Variants in ZBTB1 observed in about 807,000 individuals in gnomAD.
ZBTB1 encodes the protein zinc finger and BTB domain-containing protein 1.
In ZBTB1, 13 loss-of-function variants were observed where a neutral mutation model predicts 51.6. That is an observed-to-expected ratio of 0.25 (90% CI 0.16 to 0.40). The LOEUF is 0.40. ZBTB1 is among the 10% of genes least tolerant of loss of function. ZBTB1 has a pLI of 1.00. For missense variants in ZBTB1, 567 were observed against 856.5 expected (o/e 0.66, Z 4.22); for synonymous variants, 240 against 282.2 (o/e 0.85, Z 1.50).
At chr14:64,507,732 G>A (rs2079681934) in intron 1 of ZBTB1, among the ~76,000 whole-genome samples, 1 of 152,212 alleles carries the variant, frequency 6.6e-6, no homozygotes, top group African/African-American at 2.4e-5. Flanking sequence ...CTGTATCATG[G>A]TGGGCTATTT....
upstream of ZBTB1, among the ~76,000 whole-genome samples, chr14:64,504,321 A>G (rs1296083039): frequency 6.6e-6 from 1 of 151,734 alleles, no homozygotes; most frequent in Non-Finnish European, 1.5e-5. Flanking sequence ...TTGCCGGAGC[A>G]CTCGAGGCGG....
intron 1 of ZBTB1, among the ~76,000 whole-genome samples, chr14:64,521,015 C>T (rs1244541663): frequency 6.6e-6 from 1 of 152,084 alleles, no homozygotes; most frequent in Non-Finnish European, 1.5e-5. Flanking sequence ...GTGATGCCAC[C>T]ACACCTGGTT....
chr14:64,520,630 G>T (rs1295065454), intron 1 of ZBTB1, among the ~76,000 whole-genome samples: 1 of 151,984 alleles, frequency 6.6e-6, no homozygotes, highest in African/African-American at 2.4e-5. Flanking sequence ...TTATTTTTAA[G>T]CATATCTCAG....
intron 2 of ZBTB1, chr14:64,531,818 G>C: frequency 1.2e-6 from 2 of 1,612,128 alleles, no homozygotes; most frequent in Non-Finnish European, 8.5e-7. Context: ...CAGTCAACTT[G>C]TAATATTATT....
At chr14:64,519,034 C>T (rs1440779717) in intron 1 of ZBTB1, among the ~76,000 whole-genome samples, 1 of 149,716 alleles carries the variant, frequency 6.7e-6, no homozygotes, top group African/African-American at 2.4e-5. Flanking sequence ...ATGTGCATCT[C>T]AACAAATCTG....
intron 1 of ZBTB1, among the ~76,000 whole-genome samples, chr14:64,517,781 A>ATATATATATATATATATATATTTTT (rs1160337478): frequency 2.4e-5 from 1 of 41,560 alleles, no homozygotes; most frequent in African/African-American, 8.9e-5. Flanking sequence ...ATATATATAT[A>ATATATATATATATATATATATTTTT]TTTTTTTTTT....
In ZBTB1 at chr14:64,522,596, ACCTGAAGAG is replaced by A; in HGVS notation, c.1095_1103del (p.Glu366_Pro368del). On this transcript the variant is annotated inframe_deletion, in exon 2 of 2. Transcript: ENST00000683701. ...CTGACAATGATGAATTAGAAGATGA[ACCTGAAGAG>A]CCATTTTATAGATACTATGTTGAAG... is the stretch of plus-strand genomic sequence containing the variant. 6.2e-7 allele frequency: 1 copy of A among 1,613,950 alleles called. No homozygotes were observed. Among genetic ancestry groups the A allele is most frequent in the African/African-American group, 1.3e-5 (1 of 74,978 alleles).
chr14:64,515,614 GA>G (rs1459754632), intron 1 of ZBTB1, among the ~76,000 whole-genome samples: 3 of 150,498 alleles, frequency 2.0e-5, no homozygotes, highest in Non-Finnish European at 4.4e-5. Flanking sequence ...TCCGCCTCCC[GA>G]GTTCCCGCCA....
At chr14:64,518,468 A>T (rs1368293024) in intron 1 of ZBTB1, 1 of 152,134 alleles carries the variant, frequency 6.6e-6, no homozygotes, top group South Asian at 2.1e-4. Flanking sequence ...CTGGCTATGG[A>T]ACTTTATGTC....
chr14:64,508,536 A>C (rs2079690328), intron 1 of ZBTB1, among the ~76,000 whole-genome samples: 2 of 152,204 alleles, frequency 1.3e-5, no homozygotes, highest in Admixed American at 1.3e-4. Context: ...CATATTCAGA[A>C]GAGTGTTGTC....
downstream of ZBTB1, chr14:64,533,693 A>T (rs1338755344): frequency 1.3e-5 from 2 of 152,296 alleles, no homozygotes; most frequent in Non-Finnish European, 2.9e-5. Context: ...CCAAAGTTAA[A>T]TTGTCTGTAT....
At chr14:64,504,592 C>T, upstream of ZBTB1, 1 of 248,490 alleles carries the variant, frequency 4.0e-6, no homozygotes. Flanking sequence ...CTTGTTGCAA[C>T]AAACAGGCGA....
At chr14:64,518,904 G>GTATATATCTATATATATATATATATA (rs1555348528) in intron 1 of ZBTB1, among the ~76,000 whole-genome samples, 1 of 95,128 alleles carries the variant, frequency 1.1e-5, no homozygotes, top group African/African-American at 4.4e-5. Context: ...TTGCAGAGAG[G>GTATATATCTATATATATATATATATA]TATATATATA....
downstream of ZBTB1, among the ~76,000 whole-genome samples, chr14:64,529,360 T>C (rs906756493): frequency 1.3e-5 from 2 of 152,226 alleles, no homozygotes; most frequent in African/African-American, 4.8e-5. Context: ...TTTTATTGGT[T>C]ATAAGACTGT....
Position 64,533,340 on chromosome 14 carries a change from G to A in ZBTB1, c.*1443G>A, listed in dbSNP as rs1000134756. 2.0e-5 allele frequency: 3 copies of A among 152,386 alleles called. No individual in the cohort carries two copies. The East Asian group carries it at 5.8e-4, about 29-fold the overall frequency. The allele number at this position is 152,386 out of a possible 1,614,324, so 9.4% of individuals were successfully genotyped here. On this transcript the variant is annotated 3_prime_UTR_variant, in exon 3 of 3. Transcript: ENST00000358738. ...AGTTAATCTCTTTTGGGAACATAAG[G>A]AGGTATACAGAACTGCAGACCTCTA...
chr14:64,532,031 A>C, exon 3 of ZBTB1: 1 of 1,071,816 alleles, frequency 9.3e-7, no homozygotes, highest in Non-Finnish European at 1.3e-6. Flanking sequence ...TCAACCCAAA[A>C]AGTTCCAGTT....
chr14:64,522,330 A>T lies in ZBTB1; in HGVS notation c.826A>T (p.Thr276Ser), dbSNP rs757917033. Residue 276 changes from threonine (T) to serine (S), a missense_variant, in exon 2 of 2, where the codon ACA (threonine) becomes TCA (serine). By Grantham distance (58) the Thr-to-Ser change is moderately conservative. Transcript: ENST00000683701. ...AEFGEKDSSK[T>S]FSAQTDKYRG... ...ATTTGGTGAAAAAGATTCTTCCAAAACATTTTCTGCACAGACGGACAAATA... is the reference window on the plus strand; with the variant it reads ...ATTTGGTGAAAAAGATTCTTCCAAATCATTTTCTGCACAGACGGACAAATA... 2 of 1,614,202 alleles carry T rather than the reference A, an allele frequency of 1.2e-6. No homozygotes were observed. The highest frequency in any genetic ancestry group is 4.5e-5 in the East Asian group (2 of 44,884).
At chr14:64,507,242 T>C (rs1294797130) in intron 1 of ZBTB1, among the ~76,000 whole-genome samples, 2 of 152,240 alleles carry the variant, frequency 1.3e-5, no homozygotes, top group Non-Finnish European at 2.9e-5. Flanking sequence ...CACTTTGGTC[T>C]CTATAGAATG....
rs1166825236 is a variant in ZBTB1, at chr14:64,522,540, A to G, written c.1036A>G (p.Lys346Glu). ...TDELKDFNII[K>E]VTDKDCNEST... Reference sequence around the variant, plus strand: ...TGAACTGAAAGACTTTAACATTATTAAAGTTACTGATAAAGACTGTAATGA... The same window carrying G: ...TGAACTGAAAGACTTTAACATTATTGAAGTTACTGATAAAGACTGTAATGA... Residue 346 changes from lysine (K) to glutamate (E), a missense_variant, in exon 2 of 2, where the codon AAA (lysine) becomes GAA (glutamate). Transcript: ENST00000683701. 1 of 1,613,862 alleles carries G rather than the reference A, an allele frequency of 6.2e-7. No individual in the cohort carries two copies. The highest frequency in any genetic ancestry group is 8.5e-7 in the Non-Finnish European group (1 of 1,179,970).
Sources: allele counts gnomAD v4.1 joint callset (sites outside exome capture counted in the v4.1 genomes callset), GRCh38; gene constraint gnomAD v4.1.1; transcripts MANE v1.5; gene names NCBI Gene and HGNC (gene_info 2026-07-23, HGNC 2026-07-21).